GGN: variants seen among roughly 807,000 people sequenced by gnomAD.
The protein encoded by GGN is gametogenetin.
Under a neutral mutation model 35.5 loss-of-function variants are expected in GGN, and 27 were observed. The observed-to-expected ratio is 0.76, with a 90% CI of 0.56 to 1.05. The LOEUF is 1.05. GGN is among the 50% of genes least tolerant of loss of function. The pLI, the probability that GGN is intolerant of heterozygous loss-of-function variation, is 0.00. For missense variants in GGN, 1,006 were observed against 940.7 expected, an observed-to-expected ratio of 1.07 and a Z score of -0.91; for synonymous variants, 425 against 444.1, an observed-to-expected ratio of 0.96 and a Z score of 0.54.
Position 38,386,041 on chromosome 19 carries a change from T to A in GGN, c.1221A>T (p.Ala407=). ...IHSAPGPRRP[A]PALLAPPTFI... is the part of the protein sequence containing the mutation. ...ACGTAGGCGGCGCCAGCAGGGCAGG[T>A]GCGGGCCTCCGGGGCCCGGGAGCTG... The change falls in exon 3 of 4, where the codon GCA becomes GCT. Residue 407 remains alanine, a synonymous_variant. Transcript: ENST00000334928. The A allele has an allele frequency of 6.2e-7, 1 of 1,600,712 alleles. No individual in the cohort carries two copies. The highest frequency in any genetic ancestry group is 1.1e-5 in the South Asian group (1 of 89,374).
rs548116774 is a variant in GGN at position 38,386,818 on chromosome 19, G to GGGC, written c.441_443dup (p.Pro148dup). Reference sequence around the variant, plus strand: ...CAGTGTCCTTCACGGATAGTTGCCGGGGCGGCGGCGGCGGCTTCAGCGGGC... The same window carrying GGGC: ...CAGTGTCCTTCACGGATAGTTGCCGGGGCGGCGGCGGCGGCGGCTTCAGCGGGC... On this transcript the variant is annotated inframe_insertion, in exon 3 of 4. Coordinates refer to ENST00000334928, the MANE Select transcript of GGN (RefSeq NM_152657.4). 9,830 of 1,608,578 alleles carry GGGC rather than the reference G, an allele frequency of 6.1e-3. 49 individuals carry two copies. Among genetic ancestry groups the GGGC allele is most frequent in the Non-Finnish European group, 7.9e-3 (9,303 of 1,176,982 alleles).
In GGN at chr19:38,384,275, A is replaced by G; in HGVS notation, c.*137T>C. The G allele has an allele frequency of 1.4e-6, 1 of 702,296 alleles. No homozygotes were observed. Among genetic ancestry groups the G allele is most frequent in the Non-Finnish European group, 2.6e-6 (1 of 391,924 alleles). 43.5% of individuals were successfully genotyped at this position (702,296 alleles called of 1,614,324 possible). A position where few individuals can be genotyped will look rare whatever the true frequency, so the allele number is the denominator to read the frequency against. ...CTGGTCCAGCTTCACGATTGTTTCC[A>G]AGATGTGCTTTAATGGCGATCCTGC... On this transcript the variant is annotated 3_prime_UTR_variant, in exon 4 of 4. Transcript: ENST00000334928.
chr19:38,385,068 C>T (rs944153489), intron 3 of GGN, among the ~76,000 whole-genome samples: 4 of 152,188 alleles, frequency 2.6e-5, no homozygotes, highest in African/African-American at 7.2e-5. Context: ...TGAGTGGCCT[C>T]GGACGTGGTC....
chr19:38,385,881 C>A lies in GGN; in HGVS notation c.1381G>T (p.Val461Leu). The A allele has an allele frequency of 6.5e-7, 1 of 1,549,772 alleles. No individual in the cohort carries two copies. The change falls in exon 3 of 4, where the codon GTG (valine) becomes TTG (leucine). Residue 461 changes from valine to leucine, a missense_variant. Physicochemically the swap from Val to Leu is conservative, Grantham distance 32. Transcript: ENST00000334928. The stretch of plus-strand genomic sequence containing the variant: ...AGACCCGGGGTGAGCGGGGGAGCCA[C>A]CGGCAGCGGCGTTGGCTGGAGCGCT... ...PPALQPTPLP[V>L]APPLTPGLGH...
chr19:38,386,204 C>A lies in GGN; in HGVS notation c.1058G>T (p.Trp353Leu). ...TFPGSKPKFD[W>L]VSAPDGPERH... ...TTCAGGGCCGTCGGGAGCGCTAACC[C>A]AGTCGAATTTGGGCTTCGAGCCTGG... Residue 353 changes from tryptophan (W) to leucine (L), a missense_variant, in exon 3 of 4, where the codon TGG becomes TTG. Trp to Leu is a moderately conservative substitution (Grantham distance 61, BLOSUM62 -2). Coordinates refer to ENST00000334928, the MANE Select transcript of GGN (RefSeq NM_152657.4). 2 of 1,605,292 alleles carry A rather than the reference C, an allele frequency of 1.2e-6. No homozygotes were observed. The highest frequency in any genetic ancestry group is 1.7e-6 in the Non-Finnish European group (2 of 1,179,058).
In GGN at chr19:38,386,184, G is replaced by T; in HGVS notation, c.1078C>A (p.Pro360Thr). The T allele has an allele frequency of 6.2e-7, 1 of 1,600,078 alleles. No individual in the cohort carries two copies. Among genetic ancestry groups the T allele is most frequent in the Non-Finnish European group, 8.5e-7 (1 of 1,177,604 alleles). ...KFDWVSAPDG[P>T]ERHFRFNGAG... Reference sequence around the variant, plus strand: ...CCGTTGAAGCGGAAGTGGCGTTCAGGGCCGTCGGGAGCGCTAACCCAGTCG... The same window carrying T: ...CCGTTGAAGCGGAAGTGGCGTTCAGTGCCGTCGGGAGCGCTAACCCAGTCG... Residue 360 changes from proline (P) to threonine (T), a missense_variant, in exon 3 of 4, where the codon CCT (proline) becomes ACT (threonine). Pro to Thr is a conservative substitution (Grantham distance 38). Transcript: ENST00000334928.
chr19:38,385,256 G>A (rs1230029876), intron 3 of GGN, among the ~76,000 whole-genome samples, 165 bp downstream of exon 3: 2 of 152,230 alleles, frequency 1.3e-5, no homozygotes, highest in Non-Finnish European at 2.9e-5. Flanking sequence ...GTCAGCATGG[G>A]ATCATGGGTC....
chr19:38,386,966 G>A lies in GGN; in HGVS notation c.296C>T (p.Ala99Val). 2 of 1,542,504 alleles carry A rather than the reference G, an allele frequency of 1.3e-6. No individual in the cohort carries two copies. Among genetic ancestry groups the A allele is most frequent in the Non-Finnish European group, 1.7e-6 (2 of 1,144,616 alleles). The stretch of plus-strand genomic sequence containing the variant: ...GCCGGGCAGCAGAGTCCCCGCGGGG[G>A]CCGGGGGTGGTGCAGAGACCGCGGC... ...EAAAVSAPPP[A>V]PAGTLLPGPS... The change falls in exon 3 of 4, where the codon GCC (alanine) becomes GTC (valine). Residue 99 changes from alanine (A) to valine (V), a missense_variant. Ala to Val is a moderately conservative substitution (Grantham distance 64). Coordinates refer to ENST00000334928, the MANE Select transcript of GGN (RefSeq NM_152657.4).
rs749389696 is a variant in GGN at position 38,386,609 on chromosome 19, C to T, written c.653G>A (p.Gly218Glu). The stretch of plus-strand genomic sequence containing the variant: ...TTCGCCCGCATGGGGAGGCGCCCCT[C>T]CGCGAGCCCTGCCGGCCGTCTGGCC... ...NQGQTAGRAR[G>E]GAPPHAGEGE... Residue 218 changes from glycine to glutamate, a missense_variant, in exon 3 of 4, where the codon GGA (glycine) becomes GAA (glutamate). By Grantham distance (98) the Gly-to-Glu change is moderately conservative (BLOSUM62 -2). Transcript: ENST00000334928. The T allele has an allele frequency of 1.5e-5, 24 of 1,612,814 alleles. No individual in the cohort carries two copies. Among genetic ancestry groups the T allele is most frequent in the Non-Finnish European group, 2.0e-5 (24 of 1,179,562 alleles).
upstream of GGN, chr19:38,388,169 GC>G (rs1483090288): frequency 5.9e-6 from 1 of 168,404 alleles, no homozygotes; most frequent in African/African-American, 2.5e-5. Flanking sequence ...CATCTGCCCC[GC>G]CCCTAAGGCA....
Position 38,387,160 on chromosome 19 carries a change from G to A in GGN, c.102C>T (p.Pro34=), listed in dbSNP as rs1353671166. Residue 34 remains proline, a synonymous_variant, in exon 3 of 4, where the codon CCC becomes CCT. Transcript: ENST00000334928. This position sits in a 1 kb window ranked among gnomAD's most constrained non-coding sequence, Gnocchi z 5.3. ...PDSRRTSLVE[P]EMTSQAMRLT... Reference sequence around the variant, plus strand: ...GGCGCATGGCCTGGGAGGTCATCTCGGGCTCCACCAGGGACGTCCGGCGGG... The same window carrying A: ...GGCGCATGGCCTGGGAGGTCATCTCAGGCTCCACCAGGGACGTCCGGCGGG... 1.3e-6 allele frequency: 2 copies of A among 1,584,428 alleles called. No homozygotes were observed. Among genetic ancestry groups the A allele is most frequent in the Non-Finnish European group, 1.7e-6 (2 of 1,165,486 alleles).
chr19:38,384,590 A>G (rs1297025095), intron 3 of GGN, 61 bp from the exon 4 acceptor site: 1 of 1,219,514 alleles, frequency 8.2e-7, no homozygotes, highest in African/African-American at 1.5e-5. Flanking sequence ...TAGCCCTTCT[A>G]GGGCCTCCCT....
In GGN at chr19:38,385,859, C is replaced by T. The variant is rs902831603; in HGVS notation, c.1403G>A (p.Gly468Asp). ...PLPVAPPLTP[G>D]LGHKESALAP... Reference sequence around the variant, plus strand: ...CAGGGCTGACTCCTTGTGGCCCAGACCCGGGGTGAGCGGGGGAGCCACCGG... The same window carrying T: ...CAGGGCTGACTCCTTGTGGCCCAGATCCGGGGTGAGCGGGGGAGCCACCGG... Residue 468 changes from glycine (G) to aspartate (D), a missense_variant, in exon 3 of 4, where the codon GGT becomes GAT. Transcript: ENST00000334928. 6.5e-7 allele frequency: 1 copy of T among 1,544,042 alleles called. No homozygotes were observed. The highest frequency in any genetic ancestry group is 2.4e-5 in the East Asian group (1 of 40,952).
In GGN at chr19:38,385,811, A is replaced by T; in HGVS notation, c.1451T>A (p.Leu484Gln). The part of the protein sequence containing the change: ...SALAPTAAPA[L>Q]PPALAADQAP... The stretch of plus-strand genomic sequence containing the variant: ...CTGGTCGGCGGCTAAGGCTGGGGGC[A>T]GAGCAGGGGCTGCGGTGGGAGCCAG... Residue 484 changes from leucine to glutamine, a missense_variant, in exon 3 of 4, where the codon CTG becomes CAG. Coordinates refer to ENST00000334928, the MANE Select transcript of GGN (RefSeq NM_152657.4). The T allele has an allele frequency of 6.6e-7, 1 of 1,525,608 alleles. No homozygotes were observed. Among genetic ancestry groups the T allele is most frequent in the African/African-American group, 1.5e-5 (1 of 65,562 alleles). The allele number at this position is 1,525,608 out of a possible 1,614,324, so 94.5% of individuals were successfully genotyped here.
chr19:38,384,648 C>A, intron 3 of GGN, 119 bp from the exon 4 acceptor site: 1 of 742,182 alleles, frequency 1.3e-6, no homozygotes, highest in Non-Finnish European at 2.3e-6. Flanking sequence ...TGGAATATCC[C>A]AAAGGCAGTT....
upstream of GGN, chr19:38,388,348 A>G (rs1455658984): frequency 2.6e-6 from 1 of 390,514 alleles, no homozygotes; most frequent in Non-Finnish European, 4.5e-6. Flanking sequence ...CAGGCCCTCC[A>G]ACCCCACCCA....
In GGN at chr19:38,387,176, G is replaced by A. The variant is rs562962505; in HGVS notation, c.86C>T (p.Thr29Met). 8.2e-6 allele frequency: 13 copies of A among 1,589,000 alleles called. No individual in the cohort carries two copies. In the African/African-American group the frequency reaches 1.7e-4, roughly 21 times the overall value. Reference protein sequence around the residue: ...PSDRAPDSRRTSLVEPEMTSQ... With the variant: ...PSDRAPDSRRMSLVEPEMTSQ... ...GGTCATCTCGGGCTCCACCAGGGAC[G>A]TCCGGCGGGAGTCGGGGGCGCGGTC... is the stretch of plus-strand genomic sequence containing the variant. Residue 29 changes from threonine (T) to methionine (M), a missense_variant, in exon 3 of 4, where the codon ACG becomes ATG. Physicochemically the swap from Thr to Met is moderately conservative, Grantham distance 81 (BLOSUM62 -1). Coordinates refer to ENST00000334928, the MANE Select transcript of GGN (RefSeq NM_152657.4). The surrounding 1 kb of genome is among the most constrained non-coding windows in gnomAD (Gnocchi z 5.3).
rs1970736266 is a variant in GGN, at chr19:38,386,804, ACGG to A, written c.455_457del (p.Ser152_Val153delinsLeu). On this transcript the variant is annotated inframe_deletion, in exon 3 of 4. Transcript: ENST00000334928. ...TGGGGCCCTCGGGACAGTGTCCTTC[ACGG>A]ATAGTTGCCGGGGCGGCGGCGGCGG... The A allele has an allele frequency of 3.7e-6, 6 of 1,609,826 alleles. No homozygotes were observed. Among genetic ancestry groups the A allele is most frequent in the Non-Finnish European group, 5.1e-6 (6 of 1,177,592 alleles).
In GGN at chr19:38,384,436, GTCGTAGTGC is replaced by G; in HGVS notation, c.1926_1934del (p.Glu642_Tyr644del). The G allele has an allele frequency of 6.2e-7, 1 of 1,613,978 alleles. No individual in the cohort carries two copies. The highest frequency in any genetic ancestry group is 8.5e-7 in the Non-Finnish European group (1 of 1,179,880). ...CTCAGTTGGAATGGGTGGCCTGCAAGTCGTAGTGCTCCAGCTTGGCCACCAGAGAGCCGG... is the reference window on the plus strand; with the variant it reads ...CTCAGTTGGAATGGGTGGCCTGCAAGTCCAGCTTGGCCACCAGAGAGCCGG... On this transcript the variant is annotated inframe_deletion, in exon 4 of 4. Transcript: ENST00000334928.
Sources: gnomAD v4.1 joint callset for allele counts (sites outside exome capture counted in the v4.1 genomes callset) on GRCh38, gnomAD v4.1.1 for gene constraint, Gnocchi (gnomAD v3.1) non-coding constraint, MANE v1.5 for transcripts, NCBI Gene and HGNC (gene_info 2026-07-23, HGNC 2026-07-21) for gene names.